Variants in GOLIM4 observed in about 807,000 individuals in gnomAD.
The protein encoded by GOLIM4 is golgi integral membrane protein 4, also known as 130 kDa golgi-localized phosphoprotein.
Under a neutral mutation model 107.4 loss-of-function variants are expected in GOLIM4, and 71 were observed. That is an observed-to-expected ratio of 0.66 (90% CI 0.55 to 0.81). GOLIM4 has a LOEUF of 0.81. GOLIM4 is among the 30% of genes least tolerant of loss of function. GOLIM4 has a pLI of 0.00. For missense variants in GOLIM4, 830 were observed against 826.1 expected (o/e 1.00, Z -0.06); for synonymous variants, 327 against 294.8 (o/e 1.11, Z -1.12).
chr3:168,030,582 A>G (rs910837459), intron 9 of GOLIM4, among the ~76,000 whole-genome samples: 2 of 151,866 alleles, frequency 1.3e-5, no homozygotes, highest in African/African-American at 4.8e-5. Flanking sequence ...TTTTCAAAGA[A>G]ACTAAGAATG....
chr3:168,043,181 C>T (rs1450401431), intron 5 of GOLIM4, among the ~76,000 whole-genome samples, 198 bp downstream of exon 5: 1 of 152,134 alleles, frequency 6.6e-6, no homozygotes, highest in African/African-American at 2.4e-5. Context: ...GAACACACGA[C>T]ATATTCTATT....
At chr3:168,018,159 A>G (rs979098333) in intron 14 of GOLIM4, among the ~76,000 whole-genome samples, 8 of 152,252 alleles carry the variant, frequency 5.3e-5, no homozygotes, top group Non-Finnish European at 7.3e-5. Context: ...CTAGGATCAG[A>G]GAATAAGATC....
chr3:168,031,114 A>G (rs928131814), intron 9 of GOLIM4, among the ~76,000 whole-genome samples: 2 of 152,204 alleles, frequency 1.3e-5, no homozygotes, highest in African/African-American at 4.8e-5. Flanking sequence ...CATACATTGC[A>G]TATTCTCATT....
At chr3:168,089,465 T>C (rs952564111) in intron 1 of GOLIM4, among the ~76,000 whole-genome samples, 4 of 152,226 alleles carry the variant, frequency 2.6e-5, no homozygotes, top group East Asian at 1.9e-4. Flanking sequence ...GCTAACACTA[T>C]TGATTCTCAA....
At chr3:168,019,881 T>C (rs1717587097) in intron 14 of GOLIM4, among the ~76,000 whole-genome samples, 1 of 152,168 alleles carries the variant, frequency 6.6e-6, no homozygotes, top group African/African-American at 2.4e-5. Context: ...TAAAGTTCCC[T>C]GACCTCTGTT....
In GOLIM4 at chr3:168,029,871, C is replaced by CCTG; in HGVS notation, c.1339_1341dup (p.Gln447dup). 1 of 1,614,006 alleles carries CCTG rather than the reference C, an allele frequency of 6.2e-7. No homozygotes were observed. Among genetic ancestry groups the CCTG allele is most frequent in the Non-Finnish European group, 8.5e-7 (1 of 1,180,008 alleles). ...CTTGCCACCTGCTGCTGCTGCTGTTCCTGCTGCCGTAGTAAGTGCCCCTGC... is the reference window on the plus strand; with the variant it reads ...CTTGCCACCTGCTGCTGCTGCTGTTCCTGCTGCTGCCGTAGTAAGTGCCCCTGC... On this transcript the variant is annotated inframe_insertion, in exon 10 of 16. Transcript: ENST00000470487.
At chr3:168,050,938 G>A (rs73878624) in intron 1 of GOLIM4, among the ~76,000 whole-genome samples, 1,664 of 151,702 alleles carry the variant, frequency 0.011, 28 homozygotes, top group African/African-American at 0.038. Context: ...AGTCACCTCA[G>A]ACTAAATATT....
intron 1 of GOLIM4, among the ~76,000 whole-genome samples, chr3:168,055,278 T>A (rs186525519): frequency 1.3e-5 from 2 of 152,324 alleles, no homozygotes; most frequent in East Asian, 3.9e-4. Context: ...GCTGAATGGC[T>A]TTAAGCAAAA....
chr3:168,089,826 G>A (rs925642631), intron 1 of GOLIM4, among the ~76,000 whole-genome samples: 1 of 151,102 alleles, frequency 6.6e-6, no homozygotes, highest in South Asian at 2.1e-4. Flanking sequence ...TGGAGTGCAG[G>A]GGGGTGACTG....
chr3:168,043,924 C>A (rs552798187), intron 4 of GOLIM4, among the ~76,000 whole-genome samples: 1 of 152,286 alleles, frequency 6.6e-6, no homozygotes, highest in Admixed American at 6.5e-5. Context: ...ATTTAATTTT[C>A]CTTCTTTGGT....
chr3:168,028,411 T>A (rs960127993), intron 11 of GOLIM4, among the ~76,000 whole-genome samples: 4 of 152,146 alleles, frequency 2.6e-5, no homozygotes, highest in African/African-American at 9.7e-5. Context: ...TAAAGAGAAT[T>A]GTATGAGCAC....
At chr3:168,045,355 G>A (rs1719238044) in intron 3 of GOLIM4, among the ~76,000 whole-genome samples, 2 of 152,162 alleles carry the variant, frequency 1.3e-5, no homozygotes, top group African/African-American at 4.8e-5. Context: ...ACTTCAGCGG[G>A]TAAGAAATTC....
chr3:168,038,012 T>C (rs1035212105), intron 7 of GOLIM4, among the ~76,000 whole-genome samples: 1 of 152,240 alleles, frequency 6.6e-6, no homozygotes, highest in African/African-American at 2.4e-5. Context: ...CCAGCATTCC[T>C]GCTGCCATAG....
chr3:168,021,303 C>T (rs955690875), intron 14 of GOLIM4, among the ~76,000 whole-genome samples: 4 of 152,140 alleles, frequency 2.6e-5, no homozygotes, highest in Non-Finnish European at 5.9e-5. Flanking sequence ...ATGTGATGAA[C>T]AAAAGGCCTT....
In GOLIM4 at chr3:168,032,725, T is replaced by G; in HGVS notation, c.971A>C (p.Glu324Ala). The G allele has an allele frequency of 6.2e-7, 1 of 1,614,068 alleles. No homozygotes were observed. The highest frequency in any genetic ancestry group is 8.5e-7 in the Non-Finnish European group (1 of 1,180,012). ...FQAPPEPIQQ[E>A]VERREPEEHQ... ...CTCCTCAGGTTCTCTGCGTTCCACT[T>G]CTTGTTGGATTGGCTCTGGGGGAGC... Residue 324 changes from glutamate (E) to alanine (A), a missense_variant, in exon 9 of 16, where the codon GAA (glutamate) becomes GCA (alanine). Glu to Ala is a moderately radical substitution (Grantham distance 107, BLOSUM62 -1). Transcript: ENST00000470487.
At chr3:168,025,212 A>C (rs1717931240) in intron 12 of GOLIM4, 117 bp from the exon 13 acceptor site, 4 of 766,460 alleles carry the variant, frequency 5.2e-6, no homozygotes, top group Non-Finnish European at 6.3e-6. Flanking sequence ...AATTGTTCAG[A>C]TCTATCCTTG....
chr3:168,093,550 T>C (rs1421565419), intron 1 of GOLIM4, among the ~76,000 whole-genome samples: 1 of 152,210 alleles, frequency 6.6e-6, no homozygotes, highest in African/African-American at 2.4e-5. Flanking sequence ...TGTTATACTA[T>C]TAGACGGTAA....
chr3:168,079,246 T>C (rs1382526009), intron 1 of GOLIM4, among the ~76,000 whole-genome samples: 3 of 152,182 alleles, frequency 2.0e-5, no homozygotes, highest in Non-Finnish European at 4.4e-5. Flanking sequence ...AACATAGTAA[T>C]AGAAATGAGC....
intron 13 of GOLIM4, 34 bp from the exon 14 acceptor site, chr3:168,024,628 G>A (rs1267750194): frequency 1.3e-6 from 2 of 1,521,340 alleles, no homozygotes; most frequent in Admixed American, 1.7e-5. Flanking sequence ...TCATGTTACT[G>A]TACATCAGAG....
Sources: gnomAD v4.1 joint callset for allele counts (sites outside exome capture counted in the v4.1 genomes callset) on GRCh38, gnomAD v4.1.1 for gene constraint, MANE v1.5 for transcripts, NCBI Gene and HGNC (gene_info 2026-07-23, HGNC 2026-07-21) for gene names.